PHTF2: variants seen among roughly 807,000 people sequenced by gnomAD.
The protein encoded by PHTF2 is putative homeodomain transcription factor 2, also known as protein PHTF2.
PHTF2 carries 60 observed loss-of-function variants against 101.2 expected under a neutral mutation model. The ratio of observed to expected loss-of-function variants is 0.59; its 90% CI spans 0.48 to 0.73. The LOEUF is 0.73. Among genes scored for constraint, PHTF2 ranks in the 30% least tolerant of loss-of-function variants. The pLI is 0.00. For missense variants in PHTF2, 747 were observed against 908.7 expected (o/e 0.82, Z 2.29); for synonymous variants, 311 against 307.3 (o/e 1.01, Z -0.13).
At chr7:77,876,684 G>A (rs1798968882) in intron 3 of PHTF2, among the ~76,000 whole-genome samples, 1 of 152,052 alleles carries the variant, frequency 6.6e-6, no homozygotes, top group Admixed American at 6.6e-5. Flanking sequence ...CTTGCGCCCA[G>A]GAGTTCAAGA....
At position 77,824,384 on chromosome 7, in the gene PHTF2, C is replaced by G. The variant is rs572608277; in HGVS notation, c.-35-15837C>G. On this transcript the variant is annotated intron_variant, in intron 1 of 19. Coordinates refer to ENST00000416283, the Ensembl canonical transcript of PHTF2. ...ATTGAAACTGGGTATCCTCCCTTTA[C>G]TTCCTTTTGTTAGAAATAGCAGAAG... 5.3e-5 allele frequency among the ~76,000 whole-genome samples: 8 copies of G among 151,906 alleles called. No individual in the cohort carries two copies. The South Asian group carries it at 1.5e-3, about 28-fold the overall frequency.
chr7:77,803,153 G>T lies in PHTF2; in HGVS notation c.-36+4182G>T, dbSNP rs117203221. Reference sequence around the variant, plus strand: ...GAAAATATGCTGGATTTTATTCTGGGTACTGAACAGGAACTGGGGCAGGAA... The same window carrying T: ...GAAAATATGCTGGATTTTATTCTGGTTACTGAACAGGAACTGGGGCAGGAA... On this transcript the variant is annotated intron_variant, in intron 1 of 19. Coordinates refer to ENST00000416283, the Ensembl canonical transcript of PHTF2. 1.3e-4 allele frequency among the ~76,000 whole-genome samples: 20 copies of T among 152,216 alleles called. No homozygotes were observed. The East Asian group carries it at 3.9e-3, about 29-fold the overall frequency.
At position 77,923,389 on chromosome 7, in the gene PHTF2, A is replaced by G. The variant is rs1035246264; in HGVS notation, c.1119+611A>G. The G allele has an allele frequency of 3.8e-5, 37 of 979,320 alleles. No individual in the cohort carries two copies. The Middle Eastern group carries it at 2.1e-3, about 55-fold the overall frequency. 60.7% of individuals were successfully genotyped at this position (979,320 alleles called of 1,614,324 possible). On this transcript the variant is annotated intron_variant, in intron 11 of 19. Coordinates refer to ENST00000416283, the Ensembl canonical transcript of PHTF2. Reference sequence around the variant, plus strand: ...CACTGTTTATCACTTTTTTATAAACATTACCTTCTACTCTTTTTGAGCTAT... The same window carrying G: ...CACTGTTTATCACTTTTTTATAAACGTTACCTTCTACTCTTTTTGAGCTAT...
chr7:77,912,816 T>G (rs1802534974), intron 9 of PHTF2, among the ~76,000 whole-genome samples: 2 of 131,228 alleles, frequency 1.5e-5, no homozygotes, highest in African/African-American at 2.8e-5. Flanking sequence ...CCCTGAAGCC[T>G]CAACCTCCCA....
At chr7:77,874,085 C>T (rs544836548) in intron 3 of PHTF2, among the ~76,000 whole-genome samples, 1 of 152,286 alleles carries the variant, frequency 6.6e-6, no homozygotes, top group East Asian at 1.9e-4. Flanking sequence ...TTCCTTGGTT[C>T]TCCACATATG....
At chr7:77,937,980 C>G (rs916591085) in intron 13 of PHTF2, 142 bp downstream of exon 12, 7 of 331,716 alleles carry the variant, frequency 2.1e-5, no homozygotes, top group African/African-American at 1.1e-4. Flanking sequence ...GTATTTGTTT[C>G]TGTCTGTAAT....
chr7:77,848,342 C>G (rs1796472817), intron 2 of PHTF2, among the ~76,000 whole-genome samples: 1 of 152,142 alleles, frequency 6.6e-6, no homozygotes, highest in Non-Finnish European at 1.5e-5. Flanking sequence ...ACAGGGATTC[C>G]CATTTCTCCA....
At chr7:77,875,714 C>T (rs930348290) in intron 3 of PHTF2, among the ~76,000 whole-genome samples, 11 of 151,890 alleles carry the variant, frequency 7.2e-5, no homozygotes, top group Non-Finnish European at 1.5e-4. Flanking sequence ...CCTGCCACCA[C>T]GCCTGGCTAA....
intron 7 of PHTF2, chr7:77,907,964 C>G (rs1363820340): frequency 6.6e-6 from 1 of 152,022 alleles, no homozygotes; most frequent in Non-Finnish European, 1.5e-5. Context: ...TAGGTTGGCT[C>G]TTTCTAGGTG....
At chr7:77,907,452 T>A (rs928629460) in intron 7 of PHTF2, among the ~76,000 whole-genome samples, 5 of 152,168 alleles carry the variant, frequency 3.3e-5, no homozygotes, top group Non-Finnish European at 5.9e-5. Flanking sequence ...GTTTTTTTGG[T>A]CGTTAATTTT....
intron 2 of PHTF2, among the ~76,000 whole-genome samples, chr7:77,849,347 G>A (rs1796556837): frequency 6.6e-6 from 1 of 151,630 alleles, no homozygotes; most frequent in Non-Finnish European, 1.5e-5. Context: ...TTCATCAGTT[G>A]GCCAGGCTGG....
chr7:77,875,953 T>C (rs984317142), intron 3 of PHTF2, among the ~76,000 whole-genome samples: 2 of 152,202 alleles, frequency 1.3e-5, no homozygotes, highest in African/African-American at 4.8e-5. Flanking sequence ...CTATTAAATA[T>C]ATATTACTGC....
intron 1 of PHTF2, among the ~76,000 whole-genome samples, chr7:77,809,692 C>T (rs1584355845): frequency 6.6e-6 from 1 of 152,240 alleles, no homozygotes; most frequent in South Asian, 2.1e-4. Flanking sequence ...GCAACATTGA[C>T]TGAAAATACT....
intron 3 of PHTF2, among the ~76,000 whole-genome samples, chr7:77,874,972 T>A (rs1198874277): frequency 6.6e-6 from 1 of 152,222 alleles, no homozygotes; most frequent in Non-Finnish European, 1.5e-5. Flanking sequence ...TCTGTTCCAT[T>A]GGTCTCTGTG....
chr7:77,891,107 CCATG>C (rs1314595915), intron 3 of PHTF2, among the ~76,000 whole-genome samples: 11 of 151,394 alleles, frequency 7.3e-5, no homozygotes, highest in African/African-American at 2.2e-4. Flanking sequence ...CAGGGTTTTG[CCATG>C]TTGTTCAGGC....
At chr7:77,863,308 T>C (rs1452972471) in intron 3 of PHTF2, among the ~76,000 whole-genome samples, 1 of 152,232 alleles carries the variant, frequency 6.6e-6, no homozygotes, top group African/African-American at 2.4e-5. Context: ...TAAGGTAGCC[T>C]TATTAAAATG....
intron 7 of PHTF2, among the ~76,000 whole-genome samples, chr7:77,905,487 C>G (rs1170669285): frequency 6.6e-6 from 1 of 151,360 alleles, no homozygotes; most frequent in Non-Finnish European, 1.5e-5. Context: ...CCACTTCACC[C>G]TCTTAAAGTG....
At position 77,954,840 on chromosome 7, in the gene PHTF2, C is replaced by CT; in HGVS notation, c.2338-17dup. The CT allele has an allele frequency of 4.2e-6, 6 of 1,415,838 alleles. No homozygotes were observed. Among genetic ancestry groups the CT allele is most frequent in the South Asian group, 2.5e-5 (2 of 79,546 alleles). The allele number at this position is 1,415,838 out of a possible 1,614,324, so 87.7% of individuals were successfully genotyped here. On this transcript the variant is annotated splice_polypyrimidine_tract_variant and intron_variant, in intron 19 of 19. Coordinates refer to ENST00000416283, the Ensembl canonical transcript of PHTF2. ...TATTAAAACTGGCTTGTCACCACTT[C>CT]TATTTTTTTTTTTCTAGCTATGGAA...
chr7:77,836,119 C>CAAAAAAAAAAAAAA (rs1210225270), intron 1 of PHTF2, among the ~76,000 whole-genome samples: 2 of 64,492 alleles, frequency 3.1e-5, no homozygotes, highest in African/African-American at 5.5e-5. Context: ...AACTCCATCT[C>CAAAAAAAAAAAAAA]AAAAAAAAAA....
Sources: allele counts gnomAD v4.1 joint callset (sites outside exome capture counted in the v4.1 genomes callset), GRCh38; gene constraint gnomAD v4.1.1; transcripts MANE v1.5; gene names NCBI Gene and HGNC (gene_info 2026-07-23, HGNC 2026-07-21).